Variants in SLC10A7 observed in about 807,000 individuals in gnomAD.
The protein encoded by SLC10A7 is sodium/bile acid cotransporter 7.
SLC10A7 carries 29 observed loss-of-function variants against 43.2 expected under a neutral mutation model. That is an observed-to-expected ratio of 0.67 (90% CI 0.50 to 0.92). The LOEUF (loss-of-function observed/expected upper bound fraction) is 0.92, where lower values mean the gene tolerates loss of function less well. Among genes scored for constraint, SLC10A7 ranks in the 40% least tolerant of loss-of-function variants. The pLI, the probability that SLC10A7 is intolerant of heterozygous loss-of-function variation, is 0.00. For missense variants in SLC10A7, 295 were observed against 403.2 expected (o/e 0.73, Z 2.30); for synonymous variants, 152 against 144.8 (o/e 1.05, Z -0.35).
chr4:146,395,744 G>A (rs1738782195), intron 5 of SLC10A7, among the ~76,000 whole-genome samples: 1 of 151,974 alleles, frequency 6.6e-6, no homozygotes, highest in Non-Finnish European at 1.5e-5. Flanking sequence ...CAATTACACA[G>A]CATGAATGTC....
rs1732963285 is a variant in SLC10A7, at chr4:146,465,706, G to A, written c.397-22885C>T. On this transcript the variant is annotated intron_variant, in intron 4 of 11. Transcript: ENST00000335472. The stretch of plus-strand genomic sequence containing the variant: ...TACCCCCTTGGCAAGGAGATTATAA[G>A]GAAGCTTGAAGCATCAGGTAACAAT... Among the ~76,000 whole-genome samples, 4 of 152,086 alleles carry A rather than the reference G, an allele frequency of 2.6e-5. No individual in the cohort carries two copies. In the South Asian group the frequency reaches 8.3e-4, roughly 31 times the overall value.
chr4:146,415,899 C>A (rs1728526839), intron 5 of SLC10A7, among the ~76,000 whole-genome samples: 1 of 152,166 alleles, frequency 6.6e-6, no homozygotes, highest in Non-Finnish European at 1.5e-5. Flanking sequence ...TACACAGCCA[C>A]AAAGAGCACT....
intron 10 of SLC10A7, among the ~76,000 whole-genome samples, chr4:146,269,205 ATGGCCTGAGC>A: frequency 6.6e-6 from 1 of 152,354 alleles, no homozygotes; most frequent in East Asian, 1.9e-4. Context: ...TGTTTAATGA[ATGGCCTGAGC>A]CGACTCACCA....
chr4:146,456,711 G>T lies in SLC10A7; in HGVS notation c.397-13890C>A, dbSNP rs563648904. 5.2e-4 allele frequency among the ~76,000 whole-genome samples: 79 copies of T among 152,014 alleles called. 4 individuals are homozygous for T. In the South Asian group the frequency reaches 0.015, roughly 30 times the overall value. ...GAGGCAACACCGAGTTTTAATTGGT[G>T]TCTCATTATGTAGGCATAATTGATT... On this transcript the variant is annotated intron_variant, in intron 4 of 11. Coordinates refer to ENST00000335472, the MANE Select transcript of SLC10A7 (RefSeq NM_001029998.6).
chr4:146,321,285 G>C (rs1385434608), intron 6 of SLC10A7, among the ~76,000 whole-genome samples: 1 of 151,982 alleles, frequency 6.6e-6, no homozygotes, highest in Admixed American at 6.6e-5. Context: ...TCTGATGCTT[G>C]CCAGCAATCT....
At chr4:146,301,281 C>G (rs549182006) in intron 7 of SLC10A7, among the ~76,000 whole-genome samples, 5 of 152,182 alleles carry the variant, frequency 3.3e-5, no homozygotes, top group African/African-American at 9.6e-5. Flanking sequence ...TAGGAGTTTG[C>G]TGGCAATACA....
chr4:146,467,454 AACAC>A (rs35773390), intron 4 of SLC10A7, among the ~76,000 whole-genome samples: 65,854 of 140,500 alleles, frequency 0.47, 15,943 homozygotes, highest in East Asian at 0.71. Flanking sequence ...AGCAGGTTTA[AACAC>A]ACACACACAC....
At chr4:146,406,137 A>C (rs1727667842) in intron 5 of SLC10A7, among the ~76,000 whole-genome samples, 1 of 152,228 alleles carries the variant, frequency 6.6e-6, no homozygotes, top group Non-Finnish European at 1.5e-5. Flanking sequence ...AGCATTCAGT[A>C]GATTCTCAGT....
At position 146,521,889 on chromosome 4, in the gene SLC10A7, T is replaced by C. The variant is rs1457535991; in HGVS notation, c.-172A>G. 1.7e-6 allele frequency: 1 copy of C among 592,770 alleles called. No homozygotes were observed. Among genetic ancestry groups the C allele is most frequent in the Admixed American group, 3.0e-5 (1 of 32,998 alleles). The allele number at this position is 592,770 out of a possible 1,614,324, so 36.7% of individuals were successfully genotyped here. A position where few individuals can be genotyped will look rare whatever the true frequency, so the allele number is the denominator to read the frequency against. ...AGACCTGGGGGTTGCTCCGGCGGCT[T>C]TGAGGAGGGTTGGGAGTAGTAGTAG... is the stretch of plus-strand genomic sequence containing the variant. On this transcript the variant is annotated 5_prime_UTR_variant, in exon 1 of 12. Coordinates refer to ENST00000335472, the MANE Select transcript of SLC10A7 (RefSeq NM_001029998.6).
intron 6 of SLC10A7, among the ~76,000 whole-genome samples, chr4:146,321,318 T>A (rs531840635): frequency 6.6e-6 from 1 of 152,260 alleles, no homozygotes; most frequent in Admixed American, 6.5e-5. Flanking sequence ...GGCCTGTGGA[T>A]GTATCACTTT....
At chr4:146,309,835 T>C (rs1196162146) in intron 6 of SLC10A7, among the ~76,000 whole-genome samples, 1 of 152,108 alleles carries the variant, frequency 6.6e-6, no homozygotes, top group Non-Finnish European at 1.5e-5. Context: ...ACTTTTACTT[T>C]AGATTCAGGG....
intron 10 of SLC10A7, among the ~76,000 whole-genome samples, chr4:146,270,749 C>T (rs1560749985): frequency 6.6e-6 from 1 of 152,172 alleles, no homozygotes; most frequent in East Asian, 1.9e-4. Flanking sequence ...AGTTATTTGA[C>T]CTCTCTGAGG....
chr4:146,403,818 G>C (rs1739384661), intron 5 of SLC10A7, among the ~76,000 whole-genome samples: 1 of 152,090 alleles, frequency 6.6e-6, no homozygotes, highest in Non-Finnish European at 1.5e-5. Flanking sequence ...TTGAGTCCTA[G>C]TTTTCACAAT....
chr4:146,353,757 C>T (rs62327859), intron 5 of SLC10A7, among the ~76,000 whole-genome samples: 25 of 48,866 alleles, frequency 5.1e-4, no homozygotes, highest in Non-Finnish European at 4.9e-4. Flanking sequence ...AAATGTAATC[C>T]AGCATATAAA....
intron 5 of SLC10A7, among the ~76,000 whole-genome samples, chr4:146,408,201 T>G (rs927893308): frequency 6.6e-6 from 1 of 152,066 alleles, no homozygotes; most frequent in Admixed American, 6.6e-5. Flanking sequence ...ATACAATGCC[T>G]AAAACCTCAA....
At chr4:146,343,426 G>A (rs1439964140) in intron 5 of SLC10A7, among the ~76,000 whole-genome samples, 1 of 152,044 alleles carries the variant, frequency 6.6e-6, no homozygotes, top group Non-Finnish European at 1.5e-5. Flanking sequence ...AGTCCAACAT[G>A]TTCCTAACCA....
intron 5 of SLC10A7, among the ~76,000 whole-genome samples, chr4:146,396,999 T>C (rs1453473039): frequency 1.3e-5 from 2 of 152,190 alleles, no homozygotes; most frequent in Admixed American, 6.5e-5. Flanking sequence ...ATCTAATATA[T>C]GCCAAATTAG....
intron 5 of SLC10A7, among the ~76,000 whole-genome samples, chr4:146,376,381 A>G (rs1194205745): frequency 6.6e-6 from 1 of 152,082 alleles, no homozygotes; most frequent in Non-Finnish European, 1.5e-5. Flanking sequence ...CCTAAATGAG[A>G]ATAGTTGCCC....
At chr4:146,455,020 T>C (rs1014466732) in intron 4 of SLC10A7, among the ~76,000 whole-genome samples, 1 of 151,896 alleles carries the variant, frequency 6.6e-6, no homozygotes, top group African/African-American at 2.4e-5. Flanking sequence ...AAAATCAATT[T>C]CTCAGTATTC....
Sources: allele counts gnomAD v4.1 joint callset (sites outside exome capture counted in the v4.1 genomes callset), GRCh38; gene constraint gnomAD v4.1.1; transcripts MANE v1.5; gene names NCBI Gene and HGNC (gene_info 2026-07-23, HGNC 2026-07-21).